Variants in MEF2A observed in about 807,000 individuals in gnomAD.
MEF2A encodes myocyte enhancer factor 2A, also known as myocyte-specific enhancer factor 2A.
MEF2A carries 28 observed loss-of-function variants against 55.8 expected under a neutral mutation model. The ratio of observed to expected loss-of-function variants is 0.50; its 90% CI spans 0.37 to 0.69. The LOEUF is 0.69. Among genes scored for constraint, MEF2A ranks in the 30% least tolerant of loss-of-function variants. MEF2A has a pLI of 0.00. For synonymous variants in MEF2A, 239 were observed against 227.1 expected (o/e 1.05, Z -0.47); for missense variants, 528 against 626.2 (o/e 0.84, Z 1.67).
chr15:99,684,412 G>A (rs1014065809), intron 7 of MEF2A, among the ~76,000 whole-genome samples: 4 of 152,236 alleles, frequency 2.6e-5, no homozygotes, highest in African/African-American at 9.6e-5. Flanking sequence ...TATTCTTGCA[G>A]GAGTAAGGTG....
chr15:99,622,451 G>T (rs1430228117), intron 2 of MEF2A, among the ~76,000 whole-genome samples: 1 of 152,084 alleles, frequency 6.6e-6, no homozygotes, highest in East Asian at 1.9e-4. Context: ...GATTTAAAAA[G>T]TTAGTGGTTA....
At chr15:99,672,409 A>G (rs754723939) in intron 5 of MEF2A, among the ~76,000 whole-genome samples, 4 of 152,218 alleles carry the variant, frequency 2.6e-5, no homozygotes, top group African/African-American at 4.8e-5. Flanking sequence ...TCATGCTCCT[A>G]GACTTGATAG....
At position 99,695,584 on chromosome 15, in the gene MEF2A, A is replaced by G. The variant is rs530371954; in HGVS notation, c.858+5156A>G. ...GTGTGTGTGTGTTTCTTAAAAAGCA[A>G]TGTGGTGGCTCATGCCTGTAATCCC... is the stretch of plus-strand genomic sequence containing the variant. On this transcript the variant is annotated intron_variant, in intron 8 of 11. Coordinates refer to ENST00000557942, the MANE Select transcript of MEF2A (RefSeq NM_001319206.4). 6.2e-5 allele frequency among the ~76,000 whole-genome samples: 6 copies of G among 96,768 alleles called. No individual in the cohort carries two copies. The South Asian group carries it at 1.6e-3, about 26-fold the overall frequency. 63.5% of individuals were successfully genotyped at this position (96,768 alleles called of 152,430 possible). A position where few individuals can be genotyped will look rare whatever the true frequency, so the allele number is the denominator to read the frequency against.
At chr15:99,705,096 C>T (rs1202868793) in intron 9 of MEF2A, among the ~76,000 whole-genome samples, 1 of 152,164 alleles carries the variant, frequency 6.6e-6, no homozygotes, top group East Asian at 1.9e-4. Context: ...GTTCAGCTTG[C>T]CTTGAGCTCT....
chr15:99,569,439 T>C (rs1375202170), intron 1 of MEF2A, among the ~76,000 whole-genome samples: 1 of 152,254 alleles, frequency 6.6e-6, no homozygotes, highest in Non-Finnish European at 1.5e-5. Flanking sequence ...GTGTTTGTTT[T>C]GGATAAAATA....
At chr15:99,575,731 G>C (rs1005341597) in intron 1 of MEF2A, among the ~76,000 whole-genome samples, 1 of 152,162 alleles carries the variant, frequency 6.6e-6, no homozygotes, top group African/African-American at 2.4e-5. Context: ...TTACTACACA[G>C]AATTGCAAAA....
intron 1 of MEF2A, among the ~76,000 whole-genome samples, chr15:99,583,604 C>A (rs768310064): frequency 1.3e-5 from 2 of 151,988 alleles, no homozygotes; most frequent in African/African-American, 4.8e-5. Flanking sequence ...TTAGCTTGTA[C>A]CATGATACTG....
chr15:99,689,451 T>C (rs1367989755), intron 7 of MEF2A, among the ~76,000 whole-genome samples: 1 of 152,166 alleles, frequency 6.6e-6, no homozygotes, highest in Non-Finnish European at 1.5e-5. Context: ...TAGTCCCCAG[T>C]ATGAGATGCC....
chr15:99,634,673 G>GA (rs1414116373), intron 3 of MEF2A, among the ~76,000 whole-genome samples: 1 of 152,192 alleles, frequency 6.6e-6, no homozygotes, highest in Non-Finnish European at 1.5e-5. Flanking sequence ...GAGCAGCTAG[G>GA]AATGTGTAGG....
At chr15:99,659,655 T>TTGAGG (rs1171861448) in intron 4 of MEF2A, among the ~76,000 whole-genome samples, 1 of 152,156 alleles carries the variant, frequency 6.6e-6, no homozygotes, top group Non-Finnish European at 1.5e-5. Flanking sequence ...CAGCTATGTG[T>TTGAGG]TGAGGTGAGG....
intron 4 of MEF2A, among the ~76,000 whole-genome samples, chr15:99,649,843 A>C (rs1418390161): frequency 1.3e-5 from 2 of 152,214 alleles, no homozygotes; most frequent in African/African-American, 4.8e-5. Flanking sequence ...GCAACAAATG[A>C]TACCTAAAAA....
rs1194570037 is a variant in MEF2A, at chr15:99,703,395, G to A, written c.882+10G>A. The A allele has an allele frequency of 6.3e-7, 1 of 1,598,612 alleles. No homozygotes were observed. The highest frequency in any genetic ancestry group is 1.3e-5 in the African/African-American group (1 of 74,248). ...AGAGGAATTGGAGTTGGTGAGTGTG[G>A]GTTTCTGCTTGAAGGAAGTTGAAAA... On this transcript the variant is annotated intron_variant, in intron 9 of 11. Transcript: ENST00000557942.
intron 2 of MEF2A, among the ~76,000 whole-genome samples, chr15:99,616,517 A>G (rs1245344742): frequency 6.6e-6 from 1 of 152,188 alleles, no homozygotes; most frequent in East Asian, 1.9e-4. Flanking sequence ...ATCAGAGTTA[A>G]GACTCATCTT....
intron 7 of MEF2A, among the ~76,000 whole-genome samples, chr15:99,676,147 A>T (rs960397578): frequency 1.3e-5 from 2 of 152,224 alleles, no homozygotes; most frequent in Non-Finnish European, 2.9e-5. Context: ...AAAATATTTA[A>T]TGACAAAGTA....
chr15:99,612,856 A>G (rs1412755805), intron 2 of MEF2A, among the ~76,000 whole-genome samples: 3 of 151,534 alleles, frequency 2.0e-5, no homozygotes, highest in Non-Finnish European at 2.9e-5. Flanking sequence ...TGTTGAAACT[A>G]TTTTTCCTTC....
At chr15:99,649,648 A>C (rs1021237834) in intron 4 of MEF2A, among the ~76,000 whole-genome samples, 1 of 152,124 alleles carries the variant, frequency 6.6e-6, no homozygotes, top group Non-Finnish European at 1.5e-5. Context: ...ACTATATTAT[A>C]TAATTTTACA....
rs965675950 is a variant in MEF2A at position 99,712,530 on chromosome 15, A to C, written c.1277A>C (p.Gln426Pro). 6.5e-7 allele frequency: 1 copy of C among 1,546,222 alleles called. No individual in the cohort carries two copies. The highest frequency in any genetic ancestry group is 8.7e-7 in the Non-Finnish European group (1 of 1,144,444). Residue 426 changes from glutamine to proline, a missense_variant, in exon 12 of 12, where the codon CAG becomes CCG. By Grantham distance (76) the Gln-to-Pro change is moderately conservative. Around this residue, in one of 2 missense-constraint regions of MEF2A, gnomAD observed 450 missense variants for 475.3 expected, o/e 0.95. Transcript: ENST00000557942. The surrounding 1 kb of genome is among the most constrained non-coding windows in gnomAD (Gnocchi z 4.1). ...CAGCAGCAGCAGCAGCAGCAGCAGC[A>C]GCAGCAGCCGCCGCCACCACCGCAG... Reference protein sequence around the residue: ...GFQQQQQQQQQQQPPPPPQPQ... With the variant: ...GFQQQQQQQQPQQPPPPPQPQ...
At chr15:99,589,962 T>G (rs1275842585) in intron 1 of MEF2A, among the ~76,000 whole-genome samples, 1 of 152,122 alleles carries the variant, frequency 6.6e-6, no homozygotes, top group East Asian at 1.9e-4. Context: ...TACATTTTCA[T>G]GTTTGTTCTT....
intron 4 of MEF2A, among the ~76,000 whole-genome samples, chr15:99,648,780 A>G (rs1264830502): frequency 6.6e-6 from 1 of 152,138 alleles, no homozygotes; most frequent in Non-Finnish European, 1.5e-5. Context: ...TGCATCCAAT[A>G]CACAAGCCCT....
Sources: allele counts gnomAD v4.1 joint callset (sites outside exome capture counted in the v4.1 genomes callset), GRCh38; gene constraint gnomAD v4.1.1; regional missense constraint gnomAD v4.1.1; non-coding constraint Gnocchi (gnomAD v3.1); transcripts MANE v1.5; gene names NCBI Gene and HGNC (gene_info 2026-07-23, HGNC 2026-07-21).